Variants in MINPP1 observed in about 807,000 individuals in gnomAD.
The protein encoded by MINPP1 is multiple inositol-polyphosphate phosphatase 1.
In MINPP1, 28 loss-of-function variants were observed where a neutral mutation model predicts 46.1. The observed-to-expected ratio is 0.61, with a 90% confidence interval of 0.45 to 0.83. The LOEUF is 0.83. MINPP1 is among the 40% of genes least tolerant of loss of function. MINPP1 has a pLI of 0.00. For missense variants in MINPP1, 603 were observed against 610.0 expected, an observed-to-expected ratio of 0.99 and a Z score of 0.12; for synonymous variants, 268 against 249.1, an observed-to-expected ratio of 1.08 and a Z score of -0.72.
chr10:87,523,003 C>T (rs1564676012), intron 4 of MINPP1, among the ~76,000 whole-genome samples: 1 of 152,166 alleles, frequency 6.6e-6, no homozygotes, highest in Non-Finnish European at 1.5e-5. Flanking sequence ...TTTGTTCATC[C>T]ATAAGAAGCA....
At chr10:87,539,502 G>T (rs1038086979) in intron 4 of MINPP1, among the ~76,000 whole-genome samples, 2 of 152,120 alleles carry the variant, frequency 1.3e-5, no homozygotes, top group Admixed American at 6.6e-5. Flanking sequence ...TCTTAATTTG[G>T]TGTTAAATAT....
At chr10:87,518,050 C>T (rs975279447) in intron 3 of MINPP1, among the ~76,000 whole-genome samples, 1 of 148,194 alleles carries the variant, frequency 6.7e-6, no homozygotes, top group African/African-American at 2.5e-5. Context: ...AGCTCCACCT[C>T]CCGGGTTCAA....
intron 4 of MINPP1, 111 bp from the exon 5 acceptor site, chr10:87,551,971 A>G (rs1851969322): frequency 2.5e-5 from 21 of 848,360 alleles, no homozygotes; most frequent in Non-Finnish European, 3.4e-5. Flanking sequence ...TTAAAAAAAT[A>G]GATGGGATTA....
At chr10:87,545,428 GT>G (rs1851872869) in intron 4 of MINPP1, among the ~76,000 whole-genome samples, 1 of 150,762 alleles carries the variant, frequency 6.6e-6, no homozygotes, top group Non-Finnish European at 1.5e-5. Context: ...TTTGTTTTAG[GT>G]GATTATATGT....
At chr10:87,546,745 G>C (rs1851892394) in intron 4 of MINPP1, 1 of 152,158 alleles carries the variant, frequency 6.6e-6, no homozygotes, top group Non-Finnish European at 1.5e-5. Context: ...TGGGCAACAA[G>C]CTAAGACCCC....
intron 4 of MINPP1, among the ~76,000 whole-genome samples, chr10:87,538,128 T>G (rs2131833855): frequency 6.7e-6 from 1 of 148,970 alleles, no homozygotes; most frequent in African/African-American, 2.5e-5. Context: ...TTTTTTTACC[T>G]ATTCCTTTTC....
At chr10:87,520,079 T>TGTGTGTGTGTGTGTG (rs1359714382) in intron 3 of MINPP1, among the ~76,000 whole-genome samples, 1 of 151,550 alleles carries the variant, frequency 6.6e-6, no homozygotes, top group African/African-American at 2.4e-5. Context: ...TGTGTGTGTG[T>TGTGTGTGTGTGTGTG]TGGTAATAAA....
chr10:87,541,947 G>A (rs1851820956), intron 4 of MINPP1, among the ~76,000 whole-genome samples: 1 of 152,136 alleles, frequency 6.6e-6, no homozygotes, highest in Non-Finnish European at 1.5e-5. Flanking sequence ...GAGATTGGGA[G>A]GGGACAAACA....
Position 87,508,329 on chromosome 10 carries a change from C to CT in MINPP1, c.638-4dup, listed in dbSNP as rs2131798823. The CT allele has an allele frequency of 6.2e-7, 1 of 1,612,152 alleles. No homozygotes were observed. The highest frequency in any genetic ancestry group is 1.7e-5 in the Admixed American group (1 of 59,868). ...TACAAATACATATAAATTTTTTTCT[C>CT]TTTCAGATATGGAGTTTGGACCTCC... On this transcript the variant is annotated splice_polypyrimidine_tract_variant and splice_region_variant and intron_variant, in intron 1 of 4. Transcript: ENST00000371996.
At chr10:87,540,562 C>T (rs1435810021) in intron 4 of MINPP1, among the ~76,000 whole-genome samples, 1 of 152,006 alleles carries the variant, frequency 6.6e-6, no homozygotes, top group Non-Finnish European at 1.5e-5. Flanking sequence ...TACACATGCT[C>T]ATACCCATTT....
chr10:87,511,247 TCTTG>T (rs1288926425), intron 2 of MINPP1, among the ~76,000 whole-genome samples: 4 of 152,188 alleles, frequency 2.6e-5, no homozygotes, highest in African/African-American at 9.6e-5. Context: ...TATTTTAATT[TCTTG>T]CTTATCTCTT....
chr10:87,510,256 C>G (rs1254150269), intron 2 of MINPP1, among the ~76,000 whole-genome samples: 2 of 152,164 alleles, frequency 1.3e-5, no homozygotes, highest in South Asian at 2.1e-4. Context: ...TTTAAATACC[C>G]TTTTGTTTAC....
rs960801719 is a variant in MINPP1 at position 87,514,802 on chromosome 10, G to A, written c.933+1581G>A. On this transcript the variant is annotated intron_variant, in intron 3 of 4. Transcript: ENST00000371996. ...GCAATCTCAGCTAACTGAAACCTCT[G>A]CCTCCCGGATTCAAGTGATTTTCCT... Among the ~76,000 whole-genome samples, 3 of 152,110 alleles carry A rather than the reference G, an allele frequency of 2.0e-5. No individual in the cohort carries two copies. In the East Asian group the frequency reaches 5.8e-4, roughly 30 times the overall value.
chr10:87,508,879 C>G (rs1353849974), intron 2 of MINPP1, among the ~76,000 whole-genome samples: 1 of 147,204 alleles, frequency 6.8e-6, no homozygotes, highest in East Asian at 2.2e-4. Flanking sequence ...ATGGAAAAAT[C>G]ATATAAATTC....
At position 87,521,146 on chromosome 10, in the gene MINPP1, C is replaced by T; in HGVS notation, c.1044C>T (p.Asp348=). 1 of 1,611,636 alleles carries T rather than the reference C, an allele frequency of 6.2e-7. No individual in the cohort carries two copies. Among genetic ancestry groups the T allele is most frequent in the South Asian group, 1.1e-5 (1 of 90,714 alleles). Residue 348 remains aspartate, a synonymous_variant, in exon 4 of 5, where the codon GAC becomes GAT. Coordinates refer to ENST00000371996, the MANE Select transcript of MINPP1 (RefSeq NM_004897.5). The part of the protein sequence containing the change: ...TLFQDIFQHL[D]KAVEQKQRSQ... The stretch of plus-strand genomic sequence containing the variant: ...TTCAGGATATCTTTCAGCACTTGGA[C>T]AAAGCAGTTGAACAGAAACAAAGGT...
At chr10:87,526,176 T>G (rs1459010453) in intron 4 of MINPP1, among the ~76,000 whole-genome samples, 1 of 152,168 alleles carries the variant, frequency 6.6e-6, no homozygotes, top group Non-Finnish European at 1.5e-5. Flanking sequence ...CAACCAACAG[T>G]GTAAAAGTGT....
At chr10:87,524,341 T>C (rs1173531131) in intron 4 of MINPP1, among the ~76,000 whole-genome samples, 2 of 152,224 alleles carry the variant, frequency 1.3e-5, no homozygotes, top group African/African-American at 4.8e-5. Flanking sequence ...TTAGCTTTTC[T>C]AGAATTGAGG....
intron 2 of MINPP1, among the ~76,000 whole-genome samples, chr10:87,510,874 T>C (rs1352198700): frequency 6.6e-6 from 1 of 152,240 alleles, no homozygotes; most frequent in Non-Finnish European, 1.5e-5. Flanking sequence ...TATTTTTAAA[T>C]TGTTCTCTGA....
At chr10:87,539,676 T>A (rs144485138) in intron 4 of MINPP1, among the ~76,000 whole-genome samples, 60 of 152,320 alleles carry the variant, frequency 3.9e-4, no homozygotes, top group African/African-American at 1.4e-3. Flanking sequence ...TCTTGGGGTA[T>A]AGAGTCTGAA....
Sources: gnomAD v4.1 joint callset for allele counts (sites outside exome capture counted in the v4.1 genomes callset) on GRCh38, gnomAD v4.1.1 for gene constraint, MANE v1.5 for transcripts, NCBI Gene and HGNC (gene_info 2026-07-23, HGNC 2026-07-21) for gene names.